Variants in NEUROD1 observed in about 807,000 individuals in gnomAD.
The protein encoded by NEUROD1 is neurogenic differentiation factor 1.
NEUROD1 carries 9 observed loss-of-function variants against 21.8 expected under a neutral mutation model. The observed-to-expected ratio is 0.41, with a 90% CI of 0.25 to 0.72. The LOEUF is 0.72. Ranked by LOEUF, NEUROD1 falls within the 30% of genes least tolerant of loss-of-function variation. The probability of loss-of-function intolerance (pLI) is 0.31; values close to 1 mark genes in which losing one functional copy is unlikely to be tolerated. For missense variants in NEUROD1, 434 were observed against 468.8 expected (o/e 0.93, Z 0.69); for synonymous variants, 199 against 186.2 (o/e 1.07, Z -0.56).
downstream of NEUROD1, among the ~76,000 whole-genome samples, chr2:181,672,091 A>T (rs1231515090): frequency 6.6e-6 from 1 of 152,226 alleles, no homozygotes; most frequent in African/African-American, 2.4e-5. Flanking sequence ...AATAATATGC[A>T]TTGAAATACA....
chr2:181,679,049 C>G (rs1215379470), intron 1 of NEUROD1, among the ~76,000 whole-genome samples, 178 bp from the exon 2 acceptor site: 11 of 152,136 alleles, frequency 7.2e-5, no homozygotes, highest in Admixed American at 6.5e-4. Context: ...TATAATGGCG[C>G]GTGCGTGTGC....
chr2:181,668,670 C>A (rs1688454017), downstream of NEUROD1, among the ~76,000 whole-genome samples: 1 of 152,170 alleles, frequency 6.6e-6, no homozygotes, highest in Non-Finnish European at 1.5e-5. Flanking sequence ...CAACGTCTCT[C>A]TTACCAGTGC....
downstream of NEUROD1, among the ~76,000 whole-genome samples, chr2:181,670,229 T>C (rs1349520013): frequency 1.3e-5 from 2 of 152,154 alleles, no homozygotes; most frequent in African/African-American, 4.8e-5. Context: ...GATGAGACTT[T>C]AAAAAAATTA....
At chr2:181,671,025 GCACACACACA>G (rs71004600) in exon 2 of NEUROD1, among the ~76,000 whole-genome samples, 17 of 146,704 alleles carry the variant, frequency 1.2e-4, no homozygotes, top group Middle Eastern at 3.5e-3. Context: ...GCATATGTGT[GCACACACACA>G]CACACACACA....
chr2:181,669,157 T>C (rs1430481568), downstream of NEUROD1, among the ~76,000 whole-genome samples: 3 of 152,116 alleles, frequency 2.0e-5, no homozygotes, highest in Non-Finnish European at 4.4e-5. Context: ...TCCATCTTAG[T>C]GTATAAAAAT....
chr2:181,674,392 G>T (rs574144683), downstream of NEUROD1, among the ~76,000 whole-genome samples: 1 of 152,150 alleles, frequency 6.6e-6, no homozygotes, highest in Admixed American at 6.5e-5. Context: ...AGTAAAATAT[G>T]TTCTTTTCTT....
chr2:181,677,111 AATTTTTTTTTT>A lies in NEUROD1; in HGVS notation c.*668_*678del, dbSNP rs1688591409. 1 of 56,606 alleles carries A rather than the reference AATTTTTTTTTT, an allele frequency of 1.8e-5. No individual in the cohort carries two copies. The highest frequency in any genetic ancestry group is 4.3e-5 in the Non-Finnish European group (1 of 23,054). The allele number at this position is 56,606 out of a possible 1,614,324, so 3.5% of individuals were successfully genotyped here. A position where few individuals can be genotyped will look rare whatever the true frequency, so the allele number is the denominator to read the frequency against. Reference sequence around the variant, plus strand: ...GTGAAATGAATTGCTCAAATTGTGCAATTTTTTTTTTTTTTTTTTTTTTTTTTTTTTTTTTA... The same window carrying A: ...GTGAAATGAATTGCTCAAATTGTGCATTTTTTTTTTTTTTTTTTTTTTTTA... On this transcript the variant is annotated 3_prime_UTR_variant, in exon 2 of 2. Coordinates refer to ENST00000295108, the MANE Select transcript of NEUROD1 (RefSeq NM_002500.5).
At chr2:181,680,191 C>T (rs758429841) in intron 1 of NEUROD1, among the ~76,000 whole-genome samples, 11 of 152,170 alleles carry the variant, frequency 7.2e-5, no homozygotes, top group Non-Finnish European at 1.2e-4. Flanking sequence ...ATCCAAGAAG[C>T]TCCTATGCTA....
chr2:181,673,415 C>T (rs555942919), downstream of NEUROD1: 1 of 152,362 alleles, frequency 6.6e-6, no homozygotes, highest in African/African-American at 2.4e-5. Context: ...TGGCCAGGAG[C>T]CAATGATTAT....
downstream of NEUROD1, among the ~76,000 whole-genome samples, chr2:181,676,075 G>T (rs933300360): frequency 4.6e-5 from 7 of 151,890 alleles, no homozygotes; most frequent in African/African-American, 1.7e-4. Context: ...AACTAAGCTA[G>T]GATACTTGTT....
chr2:181,676,795 A>G lies in NEUROD1; in HGVS notation c.*995T>C, dbSNP rs574478843. ...CACCATTTTTGTGACTATGTATAAA[A>G]TCATGCATTTATATTTTCTGGAAAC... On this transcript the variant is annotated 3_prime_UTR_variant, in exon 2 of 2. Transcript: ENST00000295108. 1 of 152,754 alleles carries G rather than the reference A, an allele frequency of 6.5e-6. No homozygotes were observed. The highest frequency in any genetic ancestry group is 2.4e-5 in the African/African-American group (1 of 41,592). 9.5% of individuals were successfully genotyped at this position (152,754 alleles called of 1,614,324 possible).
chr2:181,675,004 A>G (rs1688548037), downstream of NEUROD1, among the ~76,000 whole-genome samples: 1 of 152,180 alleles, frequency 6.6e-6, no homozygotes, highest in Non-Finnish European at 1.5e-5. Flanking sequence ...GCTACTTAAT[A>G]GGTTAGATCA....
In NEUROD1 at chr2:181,678,367, A is replaced by G; in HGVS notation, c.494T>C (p.Leu165Pro). Reference sequence around the variant, plus strand: ...GCAAAGCGTCTGAACGAAGGAGACCAGGTCTGGGCTTTTGCCTGAGCGCAG... The same window carrying G: ...GCAAAGCGTCTGAACGAAGGAGACCGGGTCTGGGCTTTTGCCTGAGCGCAG... The part of the protein sequence containing the change: ...EILRSGKSPD[L>P]VSFVQTLCKG... The change falls in exon 2 of 2, where the codon CTG (leucine) becomes CCG (proline). Residue 165 changes from leucine to proline, a missense_variant. Leu to Pro is a moderately conservative substitution (Grantham distance 98). Coordinates refer to ENST00000295108, the MANE Select transcript of NEUROD1 (RefSeq NM_002500.5). This position sits in a 1 kb window ranked among gnomAD's most constrained non-coding sequence, Gnocchi z 5.5. The G allele has an allele frequency of 6.2e-7, 1 of 1,614,244 alleles. No homozygotes were observed. The highest frequency in any genetic ancestry group is 8.5e-7 in the Non-Finnish European group (1 of 1,180,042).
downstream of NEUROD1, among the ~76,000 whole-genome samples, chr2:181,669,952 G>C (rs530228434): frequency 6.6e-6 from 1 of 152,198 alleles, no homozygotes; most frequent in African/African-American, 2.4e-5. Flanking sequence ...ACTGGCTCAA[G>C]GTCCTATAAA....
chr2:181,674,011 T>A (rs1432637287), downstream of NEUROD1, among the ~76,000 whole-genome samples: 1 of 152,148 alleles, frequency 6.6e-6, no homozygotes, highest in African/African-American at 2.4e-5. Flanking sequence ...ATATAATTGT[T>A]TTAATGATTA....
chr2:181,668,592 C>T (rs1688452713), downstream of NEUROD1, among the ~76,000 whole-genome samples: 1 of 152,102 alleles, frequency 6.6e-6, no homozygotes, highest in South Asian at 2.1e-4. Context: ...CAGAATTGTT[C>T]AGGACCATCC....
downstream of NEUROD1, among the ~76,000 whole-genome samples, chr2:181,672,272 C>A (rs1004373282): frequency 4.6e-5 from 7 of 152,080 alleles, no homozygotes; most frequent in Non-Finnish European, 1.0e-4. Flanking sequence ...CAATTGTTTT[C>A]TTTTTATAGA....
downstream of NEUROD1, among the ~76,000 whole-genome samples, chr2:181,676,080 CTTGT>C (rs1375777386): frequency 6.6e-6 from 1 of 151,982 alleles, no homozygotes; most frequent in Admixed American, 6.5e-5. Context: ...AGCTAGGATA[CTTGT>C]TTATGTCTTG....
chr2:181,679,077 G>C (rs1299563455), intron 1 of NEUROD1, among the ~76,000 whole-genome samples: 1 of 152,204 alleles, frequency 6.6e-6, no homozygotes, highest in East Asian at 1.9e-4. Flanking sequence ...GTACGTAGGA[G>C]TGAGGACAGG....
Sources: gnomAD v4.1 joint callset for allele counts (sites outside exome capture counted in the v4.1 genomes callset) on GRCh38, gnomAD v4.1.1 for gene constraint, Gnocchi (gnomAD v3.1) non-coding constraint, MANE v1.5 for transcripts, NCBI Gene and HGNC (gene_info 2026-07-23, HGNC 2026-07-21) for gene names.